GPC6: variants seen among roughly 807,000 people sequenced by gnomAD.
GPC6 encodes the protein glypican 6.
Under a neutral mutation model 55.2 loss-of-function variants are expected in GPC6, and 14 were observed. That is an observed-to-expected ratio of 0.25 (90% CI 0.17 to 0.40). GPC6 has a LOEUF of 0.40. Among genes scored for constraint, GPC6 ranks in the 10% least tolerant of loss-of-function variants. GPC6 has a pLI of 1.00. For missense variants in GPC6, 641 were observed against 708.5 expected (o/e 0.90, Z 1.08); for synonymous variants, 278 against 259.6 (o/e 1.07, Z -0.68).
chr13:93,466,484 G>A (rs1878909282), intron 1 of GPC6, among the ~76,000 whole-genome samples: 1 of 152,136 alleles, frequency 6.6e-6, no homozygotes, highest in African/African-American at 2.4e-5. Context: ...ATGTGGTAAT[G>A]GTCAGTAAAT....
intron 4 of GPC6, among the ~76,000 whole-genome samples, chr13:94,178,997 T>TGGG (rs1389781548): frequency 8.5e-5 from 13 of 152,192 alleles, no homozygotes; most frequent in Admixed American, 5.9e-4. Context: ...CCCCCTTTCT[T>TGGG]GATCTTGAAG....
At chr13:93,786,838 A>G (rs540573051) in intron 2 of GPC6, among the ~76,000 whole-genome samples, 10 of 152,322 alleles carry the variant, frequency 6.6e-5, no homozygotes, top group African/African-American at 2.2e-4. Flanking sequence ...TAAGTGGCAC[A>G]AAACTAGTCT....
chr13:93,637,419 G>A (rs1452528227), intron 2 of GPC6, among the ~76,000 whole-genome samples: 2 of 151,914 alleles, frequency 1.3e-5, no homozygotes, highest in African/African-American at 4.8e-5. Context: ...GAGGTCTCTT[G>A]CCACAATGTT....
intron 6 of GPC6, among the ~76,000 whole-genome samples, chr13:94,321,171 T>A (rs1876803634): frequency 6.6e-6 from 1 of 152,206 alleles, no homozygotes; most frequent in Non-Finnish European, 1.5e-5. Flanking sequence ...ATGTAGTATT[T>A]GATTTTCTGT....
At chr13:93,471,948 T>C (rs1010291274) in intron 1 of GPC6, among the ~76,000 whole-genome samples, 4 of 152,200 alleles carry the variant, frequency 2.6e-5, no homozygotes, top group Non-Finnish European at 4.4e-5. Context: ...TATCTATGTG[T>C]TCTATCTGTT....
intron 1 of GPC6, among the ~76,000 whole-genome samples, chr13:93,344,591 C>G (rs570268451): frequency 6.6e-6 from 1 of 152,296 alleles, no homozygotes; most frequent in Non-Finnish European, 1.5e-5. Flanking sequence ...TTTCTACAGC[C>G]TGCTCCATCC....
intron 2 of GPC6, among the ~76,000 whole-genome samples, chr13:93,793,472 T>C (rs1490257186): frequency 2.2e-5 from 3 of 138,158 alleles, no homozygotes; most frequent in African/African-American, 8.6e-5. Flanking sequence ...TTTCAGAATA[T>C]CACTTTTGAC....
At chr13:93,961,421 C>T (rs1308423463) in intron 3 of GPC6, among the ~76,000 whole-genome samples, 1 of 152,166 alleles carries the variant, frequency 6.6e-6, no homozygotes, top group Non-Finnish European at 1.5e-5. Flanking sequence ...TATGGCTTTA[C>T]ATGAAAAATC....
At chr13:93,883,334 C>T (rs74111032) in intron 3 of GPC6, among the ~76,000 whole-genome samples, 5,211 of 152,042 alleles carry the variant, frequency 0.034, 251 homozygotes, top group East Asian at 0.17. Context: ...TGCAGAATGG[C>T]TCTATTAATT....
chr13:93,676,412 A>G (rs1422382090), intron 2 of GPC6, among the ~76,000 whole-genome samples: 2 of 151,674 alleles, frequency 1.3e-5, no homozygotes, highest in Non-Finnish European at 2.9e-5. Context: ...GTGAGACTCC[A>G]TCTCAAAAAA....
At chr13:93,753,251 C>A (rs540304472) in intron 2 of GPC6, among the ~76,000 whole-genome samples, 2 of 152,274 alleles carry the variant, frequency 1.3e-5, no homozygotes, top group South Asian at 2.1e-4. Flanking sequence ...TTATATATAA[C>A]CATTTCTTTA....
chr13:93,495,169 C>G (rs970071756), intron 1 of GPC6, among the ~76,000 whole-genome samples: 11 of 107,970 alleles, frequency 1.0e-4, no homozygotes, highest in Non-Finnish European at 1.8e-4. Flanking sequence ...ACCAATCAGA[C>G]GTAGATTTGG....
At chr13:93,360,919 A>T (rs752111879) in intron 1 of GPC6, among the ~76,000 whole-genome samples, 1 of 152,132 alleles carries the variant, frequency 6.6e-6, no homozygotes, top group African/African-American at 2.4e-5. Context: ...CTGTGTGGCC[A>T]GTGCTTGAGT....
At position 94,406,836 on chromosome 13, in the gene GPC6, A is replaced by G. The variant is rs1389923764; in HGVS notation, c.*3619A>G. 4 of 152,130 alleles carry G rather than the reference A, an allele frequency of 2.6e-5. No homozygotes were observed. The highest frequency in any genetic ancestry group is 1.9e-4 in the East Asian group (1 of 5,200). The allele number at this position is 152,130 out of a possible 1,614,324, so 9.4% of individuals were successfully genotyped here. On this transcript the variant is annotated 3_prime_UTR_variant, in exon 9 of 9. Coordinates refer to ENST00000377047, the MANE Select transcript of GPC6 (RefSeq NM_005708.5). ...ATTATCAAATGATTTGATTAAACCT[A>G]GACGCATTAGGAAATGCAAGTTTTA...
At chr13:94,317,290 A>G (rs759045692) in intron 6 of GPC6, among the ~76,000 whole-genome samples, 23 of 152,346 alleles carry the variant, frequency 1.5e-4, no homozygotes, top group Non-Finnish European at 2.9e-4. Flanking sequence ...TTGACCTCAG[A>G]AAACTCCCCA....
chr13:93,791,876 G>A (rs981088564), intron 2 of GPC6, among the ~76,000 whole-genome samples: 2 of 152,176 alleles, frequency 1.3e-5, no homozygotes, highest in Non-Finnish European at 2.9e-5. Context: ...AAATGAATCT[G>A]TTAGCATCGC....
At chr13:93,502,971 T>A (rs946580170) in intron 1 of GPC6, among the ~76,000 whole-genome samples, 5 of 152,104 alleles carry the variant, frequency 3.3e-5, no homozygotes, top group Non-Finnish European at 4.4e-5. Context: ...TTTAAAATTT[T>A]AAAAAAAGAA....
intron 4 of GPC6, among the ~76,000 whole-genome samples, chr13:94,120,555 G>A (rs748390518): frequency 6.6e-6 from 1 of 151,714 alleles, no homozygotes; most frequent in Non-Finnish European, 1.5e-5. Flanking sequence ...TGAAAAGCTG[G>A]TATGAAATCA....
chr13:93,998,174 ATAT>A (rs1881641201), intron 3 of GPC6, among the ~76,000 whole-genome samples: 1 of 152,282 alleles, frequency 6.6e-6, no homozygotes, highest in African/African-American at 2.4e-5. Context: ...ATGCTATTGC[ATAT>A]TATTTCCATC....
Sources: gnomAD v4.1 joint callset for allele counts (sites outside exome capture counted in the v4.1 genomes callset) on GRCh38, gnomAD v4.1.1 for gene constraint, MANE v1.5 for transcripts, NCBI Gene and HGNC (gene_info 2026-07-23, HGNC 2026-07-21) for gene names.